The following PHIP variants were observed in gnomAD, a reference collection of about 807,000 sequenced individuals.
PHIP encodes PHIP subunit of CUL4-Ring ligase complex.
In PHIP, 54 loss-of-function variants were observed where a neutral mutation model predicts 236.8. The ratio of observed to expected loss-of-function variants is 0.23; its 90% CI spans 0.18 to 0.29. The LOEUF is 0.29. Ranked by LOEUF, PHIP falls within the 10% of genes least tolerant of loss-of-function variation. PHIP has a pLI of 1.00. For synonymous variants in PHIP, 756 were observed against 718.9 expected (o/e 1.05, Z -0.83); for missense variants, 1,370 against 2,190.8 (o/e 0.63, Z 7.48).
chr6:79,019,384 T>C (rs1770994694), intron 9 of PHIP, among the ~76,000 whole-genome samples: 1 of 152,072 alleles, frequency 6.6e-6, no homozygotes, highest in South Asian at 2.1e-4. Flanking sequence ...AATACGTACA[T>C]GGAACAATTC....
At chr6:78,950,641 T>C (rs1157723146) in intron 35 of PHIP, among the ~76,000 whole-genome samples, 1 of 152,166 alleles carries the variant, frequency 6.6e-6, no homozygotes, top group Non-Finnish European at 1.5e-5. Flanking sequence ...TAGTATTACT[T>C]ATTTTTACTT....
chr6:78,966,063 A>G lies in PHIP; in HGVS notation c.3206-7T>C, dbSNP rs1767103711. 6.4e-7 allele frequency: 1 copy of G among 1,572,834 alleles called. No individual in the cohort carries two copies. Among genetic ancestry groups the G allele is most frequent in the African/African-American group, 1.3e-5 (1 of 74,096 alleles). On this transcript the variant is annotated splice_region_variant and splice_polypyrimidine_tract_variant and intron_variant, in intron 27 of 39. Transcript: ENST00000275034. ...ACAGACCTGAAGCGGTCACCTGGCC[A>G]AGAACAAAAACTAACTCATCATTCT...
chr6:79,033,044 T>C (rs2127753191), intron 7 of PHIP, among the ~76,000 whole-genome samples: 1 of 152,186 alleles, frequency 6.6e-6, no homozygotes, highest in East Asian at 1.9e-4. Context: ...TAATGAACAG[T>C]AATATCTTGA....
At chr6:79,071,007 G>C (rs1183950125) in intron 4 of PHIP, among the ~76,000 whole-genome samples, 2 of 152,070 alleles carry the variant, frequency 1.3e-5, no homozygotes, top group African/African-American at 4.8e-5. Context: ...GGATAACCTA[G>C]GGCTTACCTA....
In PHIP at chr6:78,990,963, C is replaced by A. The variant is rs981036065; in HGVS notation, c.2224G>T (p.Ala742Ser). The A allele has an allele frequency of 5.6e-6, 9 of 1,608,900 alleles. No individual in the cohort carries two copies. The Admixed American group carries it at 8.4e-5, about 15-fold the overall frequency. Residue 742 changes from alanine (A) to serine (S), a missense_variant, in exon 20 of 40, where the codon GCA becomes TCA. By Grantham distance (99) the Ala-to-Ser change is moderately conservative. This residue lies in a region of PHIP where 133 missense variants were observed against 245.2 expected (regional missense o/e 0.54). Coordinates refer to ENST00000275034, the MANE Select transcript of PHIP (RefSeq NM_017934.7). ...VASRQEEWRTAKGEEEIKTYR... is the reference protein window; with the variant it reads ...VASRQEEWRTSKGEEEIKTYR... ...GTCTTTATTTCTTCTTCTCCCTTTG[C>A]AGTTCTCCATTCTTCTTGCCTACTG... is the stretch of plus-strand genomic sequence containing the variant.
At chr6:78,984,107 G>A (rs1159982970) in intron 22 of PHIP, among the ~76,000 whole-genome samples, 1 of 151,908 alleles carries the variant, frequency 6.6e-6, no homozygotes, top group Non-Finnish European at 1.5e-5. Context: ...AGATTTTTCT[G>A]GAGCTTTATT....
intron 7 of PHIP, 68 bp downstream of exon 7, chr6:79,042,775 G>T: frequency 8.5e-7 from 1 of 1,176,170 alleles, no homozygotes; most frequent in Non-Finnish European, 1.2e-6. Context: ...TTTACTTCAA[G>T]TTCACCTATA....
At chr6:79,060,397 C>T in intron 6 of PHIP, 81 bp downstream of exon 6, 1 of 869,912 alleles carries the variant, frequency 1.1e-6, no homozygotes, top group Non-Finnish European at 1.8e-6. Context: ...TCTCTAATAC[C>T]ACAGTAACTA....
At chr6:79,026,214 C>A in intron 7 of PHIP, 50 bp from the exon 8 acceptor site, 1 of 1,326,008 alleles carries the variant, frequency 7.5e-7, no homozygotes, top group South Asian at 1.2e-5. Context: ...AATTTTAATT[C>A]AAAATCTTAA....
At chr6:78,991,874 C>T (rs1016355185) in intron 19 of PHIP, among the ~76,000 whole-genome samples, 5 of 149,844 alleles carry the variant, frequency 3.3e-5, no homozygotes, top group East Asian at 3.9e-4. Flanking sequence ...TTAAATTAAA[C>T]TTTTTACTGC....
chr6:78,983,866 C>T (rs1175958098), intron 22 of PHIP, among the ~76,000 whole-genome samples: 1 of 151,912 alleles, frequency 6.6e-6, no homozygotes, highest in African/African-American at 2.4e-5. Context: ...CATTGACAAA[C>T]GATTTACTGA....
chr6:79,077,576 C>T (rs1268485604), intron 3 of PHIP, 69 bp from the exon 4 acceptor site: 1 of 978,818 alleles, frequency 1.0e-6, no homozygotes, highest in Non-Finnish European at 1.3e-6. Context: ...CCCCCGCCCG[C>T]CCCGCGCCCC....
chr6:79,021,781 T>C (rs1455996987), intron 9 of PHIP, among the ~76,000 whole-genome samples: 1 of 151,980 alleles, frequency 6.6e-6, no homozygotes, highest in Non-Finnish European at 1.5e-5. Flanking sequence ...ACAAAACTAA[T>C]AGAAAGAATG....
chr6:79,077,368 C>G (rs1774224921), intron 4 of PHIP, 80 bp downstream of exon 4: 2 of 1,310,056 alleles, frequency 1.5e-6, no homozygotes, highest in South Asian at 2.3e-5. Flanking sequence ...AAGTTTTTGT[C>G]TCTGTAAAAA....
intron 9 of PHIP, among the ~76,000 whole-genome samples, 200 bp from the exon 10 acceptor site, chr6:79,019,359 T>G (rs1770993310): frequency 2.0e-5 from 3 of 152,048 alleles, no homozygotes; most frequent in Non-Finnish European, 4.4e-5. Context: ...TTGTAGGAGC[T>G]CCTTATTACA....
intron 4 of PHIP, among the ~76,000 whole-genome samples, chr6:79,062,526 C>A (rs539821202): frequency 6.6e-6 from 1 of 152,194 alleles, no homozygotes; most frequent in South Asian, 2.1e-4. Flanking sequence ...AAAAATTTTA[C>A]TTTAAAGAAG....
At chr6:78,967,448 A>G (rs1448587311) in intron 27 of PHIP, among the ~76,000 whole-genome samples, 3 of 152,224 alleles carry the variant, frequency 2.0e-5, no homozygotes, top group Admixed American at 6.5e-5. Context: ...ATAACGAACA[A>G]TATCTGTAGA....
chr6:79,036,411 C>A (rs937095618), intron 7 of PHIP, among the ~76,000 whole-genome samples: 7 of 152,000 alleles, frequency 4.6e-5, no homozygotes, highest in Non-Finnish European at 7.4e-5. Flanking sequence ...CCATACTCTG[C>A]CTCTTTTCCA....
chr6:79,032,003 A>G (rs1771694446), intron 7 of PHIP, among the ~76,000 whole-genome samples: 1 of 152,246 alleles, frequency 6.6e-6, no homozygotes, highest in Non-Finnish European at 1.5e-5. Flanking sequence ...CAAGTATTCC[A>G]ACGAAGCAAA....
Sources: allele counts gnomAD v4.1 joint callset (sites outside exome capture counted in the v4.1 genomes callset), GRCh38; gene constraint gnomAD v4.1.1; regional missense constraint gnomAD v4.1.1; transcripts MANE v1.5; gene names NCBI Gene and HGNC (gene_info 2026-07-23, HGNC 2026-07-21).